Variants in SLC60A2 observed in about 807,000 individuals in gnomAD.
The protein encoded by SLC60A2 is major facilitator superfamily domain containing 4B.
At chr6:111,273,391 C>T in the SLC60A2 span, among the ~76,000 whole-genome samples, 15,341 of 151,942 alleles carry the variant, frequency 0.1, 1,009 homozygotes, top group Middle Eastern at 0.19. Flanking sequence ...GCGATCCTCC[C>T]GTCTCAGCCT....
chr6:111,277,401 C>G, the SLC60A2 span, among the ~76,000 whole-genome samples: 1 of 152,220 alleles, frequency 6.6e-6, no homozygotes, highest in African/African-American at 2.4e-5. Context: ...TGAGTGAGCT[C>G]TAAGAGGAGT....
the SLC60A2 span, chr6:111,266,751 A>G: frequency 1.9e-6 from 3 of 1,614,170 alleles, no homozygotes; most frequent in African/African-American, 2.7e-5. Flanking sequence ...ATCAATAGCT[A>G]CTGGTATTTT....
chr6:111,264,767 GAC>G, the SLC60A2 span, among the ~76,000 whole-genome samples: 4 of 141,746 alleles, frequency 2.8e-5, no homozygotes, highest in African/African-American at 1.1e-4. Context: ...CAGCCTGGGT[GAC>G]AGAGTGAGAC....
At chr6:111,264,624 T>C in the SLC60A2 span, among the ~76,000 whole-genome samples, 62,192 of 151,516 alleles carry the variant, frequency 0.41, 15,231 homozygotes, top group Non-Finnish European at 0.55. Flanking sequence ...TCATCTCTAC[T>C]AAAAATACAA....
chr6:111,266,110 T>G, the SLC60A2 span: 1 of 1,614,262 alleles, frequency 6.2e-7, no homozygotes, highest in Non-Finnish European at 8.5e-7. Context: ...AAGAATTTAC[T>G]GTGGGCTTAT....
the SLC60A2 span, among the ~76,000 whole-genome samples, chr6:111,279,484 G>A: frequency 6.6e-6 from 1 of 151,500 alleles, no homozygotes; most frequent in East Asian, 1.9e-4. Flanking sequence ...TCTTGACCTC[G>A]TGATCCGCCC....
At chr6:111,265,859 C>T in the SLC60A2 span, 1 of 1,551,244 alleles carries the variant, frequency 6.4e-7, no homozygotes, top group Non-Finnish European at 8.7e-7. Context: ...ATAATTTTTC[C>T]CATCTTTCAT....
chr6:111,266,615 T>C, the SLC60A2 span: 1 of 1,614,222 alleles, frequency 6.2e-7, no homozygotes, highest in Non-Finnish European at 8.5e-7. Flanking sequence ...CGACCATCCA[T>C]GGGAAATCTG....
At chr6:111,263,976 G>A in the SLC60A2 span, 1 of 1,146,446 alleles carries the variant, frequency 8.7e-7, no homozygotes, top group Non-Finnish European at 1.3e-6. Context: ...TCATCTCTGG[G>A]AGTAGGGACT....
the SLC60A2 span, chr6:111,269,014 TCTTA>T: frequency 6.6e-6 from 1 of 152,222 alleles, no homozygotes; most frequent in African/African-American, 2.4e-5. Context: ...GCTTGCTTTC[TCTTA>T]CTTAATTTCT....
chr6:111,271,801 A>AAAAAAAAAC, the SLC60A2 span, among the ~76,000 whole-genome samples: 1 of 87,250 alleles, frequency 1.1e-5, no homozygotes, highest in East Asian at 3.8e-4. Flanking sequence ...AAAAAAAAAA[A>AAAAAAAAAC]AAAAAGTACA....
At chr6:111,262,174 T>C in the SLC60A2 span, 2 of 1,176,842 alleles carry the variant, frequency 1.7e-6, no homozygotes, top group Non-Finnish European at 1.2e-6. Flanking sequence ...CCCCCCTTTT[T>C]TTTTATAGTG....
the SLC60A2 span, among the ~76,000 whole-genome samples, chr6:111,276,306 T>C: frequency 6.6e-6 from 1 of 152,256 alleles, no homozygotes; most frequent in Non-Finnish European, 1.5e-5. Context: ...AATTGCTGGA[T>C]CTTATGGTAA....
At chr6:111,277,411 T>A in the SLC60A2 span, among the ~76,000 whole-genome samples, 2 of 152,114 alleles carry the variant, frequency 1.3e-5, no homozygotes, top group South Asian at 4.2e-4. Context: ...CTAAGAGGAG[T>A]CCCAGTTTGC....
chr6:111,266,735 G>C, the SLC60A2 span: 1 of 1,614,102 alleles, frequency 6.2e-7, no homozygotes. Flanking sequence ...ATACCTCTTT[G>C]GGAGCATCAA....
chr6:111,259,352 C>G, the SLC60A2 span: 1 of 319,548 alleles, frequency 3.1e-6, no homozygotes, highest in Middle Eastern at 8.6e-4. Flanking sequence ...GAGCGAGCGT[C>G]TTTTGCCACG....
the SLC60A2 span, chr6:111,270,120 T>C: frequency 6.6e-6 from 1 of 152,200 alleles, no homozygotes; most frequent in Non-Finnish European, 1.5e-5. Context: ...GTTCTTGCCA[T>C]GTGGCCTTCT....
chr6:111,261,099 A>C, the SLC60A2 span, among the ~76,000 whole-genome samples: 2 of 152,342 alleles, frequency 1.3e-5, no homozygotes, highest in South Asian at 4.1e-4. Flanking sequence ...CATTGAGTAA[A>C]GTTTTATTGT....
the SLC60A2 span, chr6:111,265,149 C>G: frequency 5.9e-6 from 2 of 338,710 alleles, no homozygotes; most frequent in African/African-American, 4.5e-5. Context: ...CTTTCTACCC[C>G]TCCCTTCCCT....
Sources: allele counts gnomAD v4.1 joint callset (sites outside exome capture counted in the v4.1 genomes callset), GRCh38; gene constraint gnomAD v4.1.1; transcripts MANE v1.5; gene names NCBI Gene and HGNC (gene_info 2026-07-23, HGNC 2026-07-21).